ADAMTS2: variants seen among roughly 807,000 people sequenced by gnomAD.
ADAMTS2 encodes ADAM metallopeptidase with thrombospondin type 1 motif 2.
In ADAMTS2, 50 loss-of-function variants were observed where a neutral mutation model predicts 123.0. That is an observed-to-expected ratio of 0.41 (90% CI 0.32 to 0.51). The LOEUF (loss-of-function observed/expected upper bound fraction) is 0.51, where lower values mean the gene tolerates loss of function less well. ADAMTS2 is among the 20% of genes least tolerant of loss of function. ADAMTS2 has a pLI of 0.35. For missense variants in ADAMTS2, 1,494 were observed against 1,705.2 expected (o/e 0.88, Z 2.18); for synonymous variants, 678 against 695.4 (o/e 0.98, Z 0.39).
intron 3 of ADAMTS2, among the ~76,000 whole-genome samples, chr5:179,236,534 TA>T (rs1765534552): frequency 6.6e-6 from 1 of 152,178 alleles, no homozygotes; most frequent in African/African-American, 2.4e-5. Flanking sequence ...CTCATGCCTG[TA>T]ATCCCAGCCC....
At chr5:179,274,400 A>G (rs1766634654) in intron 2 of ADAMTS2, among the ~76,000 whole-genome samples, 1 of 152,246 alleles carries the variant, frequency 6.6e-6, no homozygotes, top group African/African-American at 2.4e-5. Flanking sequence ...ACTCTCTTGA[A>G]AATCAGAAAA....
intron 4 of ADAMTS2, among the ~76,000 whole-genome samples, chr5:179,199,525 G>A (rs1764511498): frequency 6.6e-6 from 1 of 152,188 alleles, no homozygotes; most frequent in Non-Finnish European, 1.5e-5. Flanking sequence ...AAGGGGGCGT[G>A]CCTGGCTCTA....
intron 21 of ADAMTS2, among the ~76,000 whole-genome samples, chr5:179,119,317 G>A (rs1047519449): frequency 1.3e-5 from 2 of 152,178 alleles, no homozygotes; most frequent in African/African-American, 2.4e-5. Flanking sequence ...GCTAGCCCCC[G>A]GGCCCGGCCC....
At chr5:179,223,366 TCA>T (rs746552438) in intron 3 of ADAMTS2, among the ~76,000 whole-genome samples, 7,432 of 102,480 alleles carry the variant, frequency 0.073, 274 homozygotes, top group Middle Eastern at 0.11. Context: ...ACTCAGACAC[TCA>T]CAAACACGCA....
chr5:179,302,170 CG>C (rs1756542176), intron 2 of ADAMTS2, among the ~76,000 whole-genome samples: 1 of 151,904 alleles, frequency 6.6e-6, no homozygotes, highest in South Asian at 2.1e-4. Context: ...TGAAAATAGA[CG>C]GGGGTGATGG....
chr5:179,239,363 G>A (rs1196490564), intron 3 of ADAMTS2, among the ~76,000 whole-genome samples: 2 of 152,206 alleles, frequency 1.3e-5, no homozygotes, highest in Non-Finnish European at 2.9e-5. Flanking sequence ...AGCTTTGGCT[G>A]TGCAAATGGA....
intron 5 of ADAMTS2, among the ~76,000 whole-genome samples, chr5:179,166,077 TG>T (rs1393190876): frequency 3.5e-4 from 54 of 152,284 alleles, no homozygotes; most frequent in Non-Finnish European, 8.8e-5. Flanking sequence ...CCGAGTGCTC[TG>T]GGGCCCTGGA....
At chr5:179,315,454 G>A (rs971092061) in intron 2 of ADAMTS2, among the ~76,000 whole-genome samples, 14 of 152,370 alleles carry the variant, frequency 9.2e-5, no homozygotes, top group Middle Eastern at 3.4e-3. Context: ...CAGAGCTTGG[G>A]TGGGAGGGAA....
chr5:179,333,596 GTTTTTT>G (rs1219136980), intron 2 of ADAMTS2, among the ~76,000 whole-genome samples: 1 of 105,994 alleles, frequency 9.4e-6, no homozygotes, highest in Non-Finnish European at 1.8e-5. Context: ...GTTTTTTTCT[GTTTTTT>G]TTTTTTTTTT....
intron 2 of ADAMTS2, among the ~76,000 whole-genome samples, chr5:179,335,352 C>T (rs1053997962): frequency 1.3e-5 from 2 of 152,072 alleles, no homozygotes; most frequent in African/African-American, 4.8e-5. Context: ...TTGGGGGGTA[C>T]GAAGTCTCTG....
intron 3 of ADAMTS2, among the ~76,000 whole-genome samples, chr5:179,235,454 C>G (rs1765501759): frequency 6.6e-6 from 1 of 152,222 alleles, no homozygotes. Flanking sequence ...CCAAGTCCTA[C>G]CAAGTCCCAG....
chr5:179,217,821 G>A (rs6875895), intron 3 of ADAMTS2, among the ~76,000 whole-genome samples: 17,174 of 115,684 alleles, frequency 0.15, 1,747 homozygotes, highest in African/African-American at 0.22. Context: ...ACTCACTAGG[G>A]GATGGCCTGA....
chr5:179,290,414 T>C (rs1008601204), intron 2 of ADAMTS2, among the ~76,000 whole-genome samples: 1 of 152,138 alleles, frequency 6.6e-6, no homozygotes, highest in African/African-American at 2.4e-5. Context: ...ATGAGCTAAA[T>C]AAGCTTCTTT....
chr5:179,209,561 A>C (rs373835434), intron 3 of ADAMTS2, among the ~76,000 whole-genome samples: 19,312 of 148,110 alleles, frequency 0.13, 1,339 homozygotes, highest in South Asian at 0.19. Context: ...CACACACACA[A>C]GCACACACAT....
In ADAMTS2 at chr5:179,299,323, A is replaced by C. The variant is rs1352805938; in HGVS notation, c.535-26259T>G. 2.0e-5 allele frequency among the ~76,000 whole-genome samples: 2 copies of C among 97,954 alleles called. 1 individual carries two copies. Among genetic ancestry groups the C allele is most frequent in the Non-Finnish European group, 4.2e-5 (2 of 48,038 alleles). 64.3% of individuals were successfully genotyped at this position (97,954 alleles called of 152,430 possible). A position where few individuals can be genotyped will look rare whatever the true frequency, so the allele number is the denominator to read the frequency against. On this transcript the variant is annotated intron_variant, in intron 2 of 21. Transcript: ENST00000251582. The stretch of plus-strand genomic sequence containing the variant: ...GGCGGGCGGATCACGAGGTCAGGAG[A>C]TGGAGACCATCCTGGCTAACACGGT...
At chr5:179,143,993 A>T (rs1185416873) in intron 10 of ADAMTS2, among the ~76,000 whole-genome samples, 1 of 152,210 alleles carries the variant, frequency 6.6e-6, no homozygotes, top group Non-Finnish European at 1.5e-5. Context: ...ACAGTATATT[A>T]TCTTTATTTT....
intron 2 of ADAMTS2, among the ~76,000 whole-genome samples, chr5:179,302,661 CAAGCA>C (rs1252465972): frequency 6.6e-6 from 1 of 151,502 alleles, no homozygotes; most frequent in Non-Finnish European, 1.5e-5. Flanking sequence ...TGGCAGTAAG[CAAGCA>C]AAGAGGAAGT....
chr5:179,120,413 TC>T (rs1356450594), intron 21 of ADAMTS2: 2 of 152,240 alleles, frequency 1.3e-5, no homozygotes, highest in Non-Finnish European at 2.9e-5. Context: ...TATTGCACCT[TC>T]CCCAGTCGCG....
intron 4 of ADAMTS2, among the ~76,000 whole-genome samples, chr5:179,205,751 T>TTTATTATTA (rs1436404552): frequency 3.5e-5 from 3 of 85,276 alleles, no homozygotes; most frequent in Non-Finnish European, 7.4e-5. Context: ...CCATTATGGT[T>TTTATTATTA]TTATTGTTAT....
Sources: gnomAD v4.1 joint callset for allele counts (sites outside exome capture counted in the v4.1 genomes callset) on GRCh38, gnomAD v4.1.1 for gene constraint, MANE v1.5 for transcripts, NCBI Gene and HGNC (gene_info 2026-07-23, HGNC 2026-07-21) for gene names.